Variants in APCDD1L observed in about 807,000 individuals in gnomAD.
The protein encoded by APCDD1L is APC down-regulated 1 like.
APCDD1L carries 21 observed loss-of-function variants against 24.2 expected under a neutral mutation model. That is an observed-to-expected ratio of 0.87 (90% CI 0.61 to 1.25). The LOEUF (loss-of-function observed/expected upper bound fraction) is 1.25, where lower values mean the gene tolerates loss of function less well. Among genes scored for constraint, APCDD1L ranks in the 50% most tolerant of loss-of-function variants. The pLI is 0.00. For missense variants in APCDD1L, 704 were observed against 711.7 expected, an observed-to-expected ratio of 0.99 and a Z score of 0.12; for synonymous variants, 321 against 323.6, an observed-to-expected ratio of 0.99 and a Z score of 0.09.
intron 1 of APCDD1L, among the ~76,000 whole-genome samples, chr20:58,512,306 G>C (rs6092648): frequency 0.011 from 1,675 of 152,306 alleles, 34 homozygotes; most frequent in African/African-American, 0.039. Flanking sequence ...TGACGGATTC[G>C]TCTGAAAAAC....
rs747539318 is a variant in APCDD1L, at chr20:58,486,854, G to GTTTTTTTTTTTT, written c.50-16119_50-16108dup. On this transcript the variant is annotated intron_variant, in intron 1 of 3. Coordinates refer to ENST00000371149, the MANE Select transcript of APCDD1L (RefSeq NM_153360.3). ...AGAAGGAAAATTTACTGGAGGGAAGGTTTTTTTTTTTTTTTTTTTTTTTTT... is the reference window on the plus strand; with the variant it reads ...AGAAGGAAAATTTACTGGAGGGAAGGTTTTTTTTTTTTTTTTTTTTTTTTTTTTTTTTTTTTT... 7.3e-4 allele frequency among the ~76,000 whole-genome samples: 59 copies of GTTTTTTTTTTTT among 80,436 alleles called. 4 individuals are homozygous for GTTTTTTTTTTTT. The highest frequency in any genetic ancestry group is 0.013 in the Middle Eastern group (1 of 76). The allele number at this position is 80,436 out of a possible 152,430, so 52.8% of individuals were successfully genotyped here.
Position 58,461,528 on chromosome 20 carries a change from A to C in APCDD1L, c.768T>G (p.Cys256Trp). 1 of 1,442,444 alleles carries C rather than the reference A, an allele frequency of 6.9e-7. No individual in the cohort carries two copies. The allele number at this position is 1,442,444 out of a possible 1,614,324, so 89.4% of individuals were successfully genotyped here. ...GCACATCGGAGCGGGCAATGAGGCC[A>C]CAGGCTGGGCACGGCTGCACGTGGT... ...ALHHVQPCPA[C>W]GLIARSDVHH... Residue 256 changes from cysteine (C) to tryptophan (W), a missense_variant, in exon 4 of 4, where the codon TGT (cysteine) becomes TGG (tryptophan). Cys to Trp is a radical substitution (Grantham distance 215). Coordinates refer to ENST00000371149, the MANE Select transcript of APCDD1L (RefSeq NM_153360.3). The surrounding 1 kb of genome is among the most constrained non-coding windows in gnomAD (Gnocchi z 6.0).
chr20:58,503,898 C>T (rs1475446291), intron 1 of APCDD1L, among the ~76,000 whole-genome samples: 1 of 152,180 alleles, frequency 6.6e-6, no homozygotes, highest in East Asian at 1.9e-4. Flanking sequence ...TGCACTTTCT[C>T]CAGGACACTC....
intron 1 of APCDD1L, among the ~76,000 whole-genome samples, chr20:58,507,771 A>C (rs1045426579): frequency 1.3e-5 from 2 of 152,266 alleles, no homozygotes; most frequent in Non-Finnish European, 2.9e-5. Flanking sequence ...AGTTTTCTGA[A>C]TATAAAGAGC....
rs184736532 is a variant in APCDD1L at position 58,494,785 on chromosome 20, G to C, written c.49+19874C>G. On this transcript the variant is annotated intron_variant, in intron 1 of 3. Coordinates refer to ENST00000371149, the MANE Select transcript of APCDD1L (RefSeq NM_153360.3). This position sits in a 1 kb window ranked among gnomAD's most constrained non-coding sequence, Gnocchi z 4.8. The stretch of plus-strand genomic sequence containing the variant: ...ACTTTGCCTGTGATTCCTGTCTCAC[G>C]ATCATCTCCTGGCATTCTGCACCCA... Among the ~76,000 whole-genome samples, 1 of 152,134 alleles carries C rather than the reference G, an allele frequency of 6.6e-6. No homozygotes were observed. The highest frequency in any genetic ancestry group is 6.5e-5 in the Admixed American group (1 of 15,286).
At chr20:58,503,134 G>T (rs1990473251) in intron 1 of APCDD1L, among the ~76,000 whole-genome samples, 1 of 152,212 alleles carries the variant, frequency 6.6e-6, no homozygotes, top group African/African-American at 2.4e-5. Context: ...CTAGCAAAAT[G>T]CAGCTAGCCA....
At chr20:58,507,880 ATAACACACAAACATTTGCT>A (rs1426696448) in intron 1 of APCDD1L, among the ~76,000 whole-genome samples, 1 of 152,258 alleles carries the variant, frequency 6.6e-6, no homozygotes, top group Non-Finnish European at 1.5e-5. Context: ...TGAGAGGTCT[ATAACACACAAACATTTGCT>A]TCTCCTTGCT....
chr20:58,491,916 C>T (rs1329932440), intron 1 of APCDD1L, among the ~76,000 whole-genome samples: 2 of 152,082 alleles, frequency 1.3e-5, no homozygotes, highest in Non-Finnish European at 2.9e-5. Flanking sequence ...GATGGTGACT[C>T]CTGAAATTTA....
At position 58,467,727 on chromosome 20, in the gene APCDD1L, G is replaced by A. The variant is rs1989745449; in HGVS notation, c.189-69C>T. 1 of 1,362,222 alleles carries A rather than the reference G, an allele frequency of 7.3e-7. No individual in the cohort carries two copies. The highest frequency in any genetic ancestry group is 9.5e-7 in the Non-Finnish European group (1 of 1,050,204). The allele number at this position is 1,362,222 out of a possible 1,614,324, so 84.4% of individuals were successfully genotyped here. ...GCGCCGCGAGCCCCTCTCCCCTCTG[G>A]GCTGGGCTCCTTTCTCCCCCCCAGC... On this transcript the variant is annotated intron_variant, in intron 2 of 3. Transcript: ENST00000371149. This position sits in a 1 kb window ranked among gnomAD's most constrained non-coding sequence, Gnocchi z 5.9.
intron 2 of APCDD1L, among the ~76,000 whole-genome samples, chr20:58,469,654 C>G (rs723507): frequency 6.6e-6 from 1 of 152,122 alleles, no homozygotes; most frequent in Admixed American, 6.5e-5. Flanking sequence ...GTGCCGTGGG[C>G]GTGGGGGCTG....
Position 58,467,111 on chromosome 20 carries a change from C to T in APCDD1L, c.736G>A (p.Ala246Thr), listed in dbSNP as rs1459187259. 1 of 1,603,224 alleles carries T rather than the reference C, an allele frequency of 6.2e-7. No individual in the cohort carries two copies. The change falls in exon 3 of 4, where the codon GCA (alanine) becomes ACA (threonine). Residue 246 changes from alanine (A) to threonine (T), a missense_variant. Ala to Thr is a moderately conservative substitution (Grantham distance 58, BLOSUM62 0). Coordinates refer to ENST00000371149, the MANE Select transcript of APCDD1L (RefSeq NM_153360.3). The surrounding 1 kb of genome is among the most constrained non-coding windows in gnomAD (Gnocchi z 5.9). ...PTGYQRPLQS[A>T]LHHVQPCPAC... ...ACCCCAACACACACACTCACCAGTG[C>T]GCTCTGCAGCGGGCGCTGGTAGCCC...
chr20:58,509,054 T>C (rs1179588356), intron 1 of APCDD1L, among the ~76,000 whole-genome samples: 2 of 151,952 alleles, frequency 1.3e-5, no homozygotes, highest in Non-Finnish European at 2.9e-5. Context: ...CCTTTAGCCT[T>C]CTGGGAAGGC....
intron 1 of APCDD1L, among the ~76,000 whole-genome samples, chr20:58,492,461 C>G (rs1990239848): frequency 6.6e-6 from 1 of 152,096 alleles, no homozygotes; most frequent in Non-Finnish European, 1.5e-5. Flanking sequence ...ATAGTCAGGG[C>G]CGTGCAAATT....
At position 58,461,713 on chromosome 20, in the gene APCDD1L, G is replaced by T; in HGVS notation, c.742-159C>A. 1 of 731,796 alleles carries T rather than the reference G, an allele frequency of 1.4e-6. No homozygotes were observed. Among genetic ancestry groups the T allele is most frequent in the Non-Finnish European group, 1.9e-6 (1 of 523,618 alleles). 45.3% of individuals were successfully genotyped at this position (731,796 alleles called of 1,614,324 possible). A position where few individuals can be genotyped will look rare whatever the true frequency, so the allele number is the denominator to read the frequency against. ...CTCACTCCCTGCCTTCAGTCAGGAC[G>T]ACCTCCTTGCTTCAGCCAGGATGGC... On this transcript the variant is annotated intron_variant, in intron 3 of 3. Coordinates refer to ENST00000371149, the MANE Select transcript of APCDD1L (RefSeq NM_153360.3). The surrounding 1 kb of genome is among the most constrained non-coding windows in gnomAD (Gnocchi z 6.0).
intron 1 of APCDD1L, among the ~76,000 whole-genome samples, chr20:58,484,642 C>G (rs997839104): frequency 6.6e-6 from 1 of 152,138 alleles, no homozygotes; most frequent in Non-Finnish European, 1.5e-5. Context: ...GACTAACACA[C>G]ATTCACACAT....
chr20:58,463,706 G>T (rs1033302642), intron 3 of APCDD1L, among the ~76,000 whole-genome samples: 1 of 152,094 alleles, frequency 6.6e-6, no homozygotes, highest in Non-Finnish European at 1.5e-5. Flanking sequence ...TGCAGTCCAG[G>T]CAGGACAGCC....
rs1367469135 is a variant in APCDD1L at position 58,467,218 on chromosome 20, C to G, written c.629G>C (p.Arg210Pro). The G allele has an allele frequency of 1.2e-6, 2 of 1,601,350 alleles. No homozygotes were observed. The highest frequency in any genetic ancestry group is 1.7e-5 in the Admixed American group (1 of 59,750). Residue 210 changes from arginine to proline, a missense_variant, in exon 3 of 4, where the codon CGG becomes CCG. By Grantham distance (103) the Arg-to-Pro change is moderately radical. Coordinates refer to ENST00000371149, the MANE Select transcript of APCDD1L (RefSeq NM_153360.3). The surrounding 1 kb of genome is among the most constrained non-coding windows in gnomAD (Gnocchi z 5.9). ...RVQRRLQPQP[R>P]ASPRLVEELY... ...CTCCTCCACCAGCCGGGGCGACGCC[C>G]GGGGCTGCGGCTGCAGGCGGCGCTG...
chr20:58,502,598 C>T (rs1334580368), intron 1 of APCDD1L, among the ~76,000 whole-genome samples: 1 of 152,126 alleles, frequency 6.6e-6, no homozygotes, highest in East Asian at 1.9e-4. Context: ...GAGACATTCT[C>T]ACCACTGAGT....
rs760552876 is a variant in APCDD1L at position 58,460,798 on chromosome 20, A to G, written c.1498T>C (p.Trp500Arg). Reference sequence around the variant, plus strand: ...TGATGTCAAGTCCAATGTCATAGCCAGTGGAGGAAGGCCAGCCCTAGAACT... The same window carrying G: ...TGATGTCAAGTCCAATGTCATAGCCGGTGGAGGAAGGCCAGCCCTAGAACT... The part of the protein sequence containing the change: ...PLVLGLAFLH[W>R]L Residue 500 changes from tryptophan to arginine, a missense_variant, in exon 4 of 4, where the codon TGG becomes CGG. Physicochemically the swap from Trp to Arg is moderately radical, Grantham distance 101. Transcript: ENST00000371149. This position sits in a 1 kb window ranked among gnomAD's most constrained non-coding sequence, Gnocchi z 4.2. 1 of 1,522,526 alleles carries G rather than the reference A, an allele frequency of 6.6e-7. No individual in the cohort carries two copies. The highest frequency in any genetic ancestry group is 8.8e-7 in the Non-Finnish European group (1 of 1,135,388). The allele number at this position is 1,522,526 out of a possible 1,614,324, so 94.3% of individuals were successfully genotyped here. A position where few individuals can be genotyped will look rare whatever the true frequency, so the allele number is the denominator to read the frequency against.
Sources: allele counts gnomAD v4.1 joint callset (sites outside exome capture counted in the v4.1 genomes callset), GRCh38; gene constraint gnomAD v4.1.1; non-coding constraint Gnocchi (gnomAD v3.1); transcripts MANE v1.5; gene names NCBI Gene and HGNC (gene_info 2026-07-23, HGNC 2026-07-21).